DPYSL3: variants seen among roughly 807,000 people sequenced by gnomAD.
The protein encoded by DPYSL3 is dihydropyrimidinase like 3.
DPYSL3 carries 16 observed loss-of-function variants against 66.1 expected under a neutral mutation model. The observed-to-expected ratio is 0.24, with a 90% confidence interval of 0.16 to 0.37. The LOEUF is 0.37. Among genes scored for constraint, DPYSL3 ranks in the 10% least tolerant of loss-of-function variants. DPYSL3 has a pLI of 1.00. For missense variants in DPYSL3, 738 were observed against 916.2 expected (o/e 0.81, Z 2.51); for synonymous variants, 338 against 345.1 (o/e 0.98, Z 0.23).
chr5:147,475,708 T>C (rs1177760477), intron 1 of DPYSL3, among the ~76,000 whole-genome samples: 1 of 152,096 alleles, frequency 6.6e-6, no homozygotes, highest in Non-Finnish European at 1.5e-5. Context: ...AAGATCAAAG[T>C]AATTACAAAC....
chr5:147,453,806 C>G, intron 1 of DPYSL3: 2 of 1,225,084 alleles, frequency 1.6e-6, no homozygotes, highest in East Asian at 6.4e-5. Context: ...CCCCGCCCCC[C>G]CACGCACACC....
chr5:147,475,302 T>C (rs1191035178), intron 1 of DPYSL3, among the ~76,000 whole-genome samples: 2 of 152,144 alleles, frequency 1.3e-5, no homozygotes, highest in African/African-American at 4.8e-5. Flanking sequence ...ATTGCTGTTA[T>C]GTGAGATGTG....
intron 1 of DPYSL3, chr5:147,453,770 G>A (rs1752792231): frequency 2.3e-6 from 3 of 1,299,288 alleles, no homozygotes; most frequent in Non-Finnish European, 2.9e-6. Flanking sequence ...AGAGACAATA[G>A]TAAATCTCCC....
rs766746019 is a variant in DPYSL3 at position 147,415,775 on chromosome 5, G to A, written c.754C>T (p.His252Tyr). The change falls in exon 4 of 14, where the codon CAT (histidine) becomes TAT (tyrosine). Residue 252 changes from histidine to tyrosine, a missense_variant. Physicochemically the swap from His to Tyr is moderately conservative, Grantham distance 83. Coordinates refer to ENST00000343218, the MANE Select transcript of DPYSL3 (RefSeq NM_001197294.2). The stretch of plus-strand genomic sequence containing the variant: ...TCATTCCAGTGGGTGATGTCCACAT[G>A]CAGGGCATAGTCACAGCAACTCTTC... ...DGKSCCDYAL[H>Y]VDITHWNDSV... is the part of the protein sequence containing the mutation. 6.2e-7 allele frequency: 1 copy of A among 1,614,092 alleles called. No homozygotes were observed.
intron 1 of DPYSL3, among the ~76,000 whole-genome samples, chr5:147,443,515 T>G (rs547866820): frequency 2.0e-5 from 3 of 150,244 alleles, no homozygotes; most frequent in African/African-American, 7.3e-5. Flanking sequence ...ACTCAGAGGA[T>G]GGGTCAATAG....
At chr5:147,468,901 G>A (rs1009226705) in intron 1 of DPYSL3, among the ~76,000 whole-genome samples, 2 of 152,056 alleles carry the variant, frequency 1.3e-5, no homozygotes, top group African/African-American at 4.8e-5. Context: ...GATGATAAGA[G>A]CCAATGGACA....
chr5:147,450,101 A>C (rs939916976), intron 1 of DPYSL3, among the ~76,000 whole-genome samples: 1 of 152,130 alleles, frequency 6.6e-6, no homozygotes, highest in African/African-American at 2.4e-5. Context: ...CATGCATTTT[A>C]ATTTCAGTTG....
chr5:147,398,975 C>G, intron 11 of DPYSL3, 107 bp downstream of exon 11: 1 of 1,423,946 alleles, frequency 7.0e-7, no homozygotes, highest in Non-Finnish European at 9.5e-7. Flanking sequence ...TTATTGCAAC[C>G]CGTCCTAGTC....
rs1239393050 is a variant in DPYSL3 at position 147,401,481 on chromosome 5, C to G, written c.1310+59G>C. On this transcript the variant is annotated intron_variant, in intron 9 of 13. Transcript: ENST00000343218. ...TGGGACTGCTCCTGTCCTCAACCCCCAGCTGGACTCAAGAGATGTTTTCAC... is the reference window on the plus strand; with the variant it reads ...TGGGACTGCTCCTGTCCTCAACCCCGAGCTGGACTCAAGAGATGTTTTCAC... The G allele has an allele frequency of 2.0e-5, 30 of 1,529,742 alleles. No homozygotes were observed. In the East Asian group the frequency reaches 6.3e-4, roughly 32 times the overall value. The allele number at this position is 1,529,742 out of a possible 1,614,324, so 94.8% of individuals were successfully genotyped here.
chr5:147,419,666 G>A (rs74354533), intron 2 of DPYSL3, among the ~76,000 whole-genome samples: 2,956 of 152,034 alleles, frequency 0.019, 105 homozygotes, highest in African/African-American at 0.068. Context: ...TTTTATCCAC[G>A]GACAGCCAAG....
intron 8 of DPYSL3, among the ~76,000 whole-genome samples, chr5:147,403,382 G>A (rs185587074): frequency 6.6e-6 from 1 of 152,160 alleles, no homozygotes; most frequent in Admixed American, 6.5e-5. Context: ...TCTCCCTCTG[G>A]ACTATGTTTA....
At chr5:147,415,521 A>C (rs1477501938) in intron 4 of DPYSL3, among the ~76,000 whole-genome samples, 188 bp downstream of exon 4, 1 of 152,066 alleles carries the variant, frequency 6.6e-6, no homozygotes, top group Non-Finnish European at 1.5e-5. Context: ...GAAAACAATC[A>C]CTATCTCATG....
At chr5:147,421,923 C>T (rs998947017) in intron 2 of DPYSL3, among the ~76,000 whole-genome samples, 6 of 152,164 alleles carry the variant, frequency 3.9e-5, no homozygotes, top group Non-Finnish European at 8.8e-5. Context: ...AAAACCTAGG[C>T]AATACCACTC....
intron 1 of DPYSL3, among the ~76,000 whole-genome samples, chr5:147,459,435 G>A (rs1752900560): frequency 6.6e-6 from 1 of 151,810 alleles, no homozygotes; most frequent in African/African-American, 2.4e-5. Context: ...TAAGCATTTG[G>A]GTCCATTAAT....
chr5:147,467,407 G>A lies in DPYSL3; in HGVS notation c.381+42071C>T, dbSNP rs1581208338. Among the ~76,000 whole-genome samples, 5 of 152,272 alleles carry A rather than the reference G, an allele frequency of 3.3e-5. No homozygotes were observed. The Middle Eastern group carries it at 0.014, about 417-fold the overall frequency. On this transcript the variant is annotated intron_variant, in intron 1 of 13. Coordinates refer to ENST00000343218, the MANE Select transcript of DPYSL3 (RefSeq NM_001197294.2). ...GATAATTAAAAGAATAGATTTTGAA[G>A]TCCCCATAGAAGTGAGTGGATGGAA...
intron 5 of DPYSL3, among the ~76,000 whole-genome samples, chr5:147,413,119 C>G (rs1751891222): frequency 6.6e-6 from 1 of 152,186 alleles, no homozygotes; most frequent in South Asian, 2.1e-4. Context: ...CATACCTTCA[C>G]CTCTAAGCAG....
chr5:147,502,080 C>T (rs1464353231), intron 1 of DPYSL3, among the ~76,000 whole-genome samples: 2 of 152,038 alleles, frequency 1.3e-5, no homozygotes, highest in Non-Finnish European at 2.9e-5. Flanking sequence ...CAAGATAAGG[C>T]AGATTCAGTG....
chr5:147,426,533 A>C (rs1374690598), intron 1 of DPYSL3, among the ~76,000 whole-genome samples: 2 of 152,140 alleles, frequency 1.3e-5, no homozygotes, highest in Non-Finnish European at 2.9e-5. Flanking sequence ...AATGTTCTCC[A>C]TGGCTATTTG....
In DPYSL3 at chr5:147,392,021, T is replaced by C. The variant is rs1037038250; in HGVS notation, c.*2014A>G. On this transcript the variant is annotated 3_prime_UTR_variant, in exon 14 of 14. Coordinates refer to ENST00000343218, the MANE Select transcript of DPYSL3 (RefSeq NM_001197294.2). Reference sequence around the variant, plus strand: ...AGAAGTGGACGCTCAGAAGCGAGTTTATGTGTGTCTTTTCCTCTATCTGCT... The same window carrying C: ...AGAAGTGGACGCTCAGAAGCGAGTTCATGTGTGTCTTTTCCTCTATCTGCT... The C allele has an allele frequency of 2.0e-5, 3 of 152,210 alleles. No homozygotes were observed. Among genetic ancestry groups the C allele is most frequent in the Non-Finnish European group, 4.4e-5 (3 of 68,070 alleles). 9.4% of individuals were successfully genotyped at this position (152,210 alleles called of 1,614,324 possible). A position where few individuals can be genotyped will look rare whatever the true frequency, so the allele number is the denominator to read the frequency against.
Sources: gnomAD v4.1 joint callset for allele counts (sites outside exome capture counted in the v4.1 genomes callset) on GRCh38, gnomAD v4.1.1 for gene constraint, MANE v1.5 for transcripts, NCBI Gene and HGNC (gene_info 2026-07-23, HGNC 2026-07-21) for gene names.